Variants in SLC39A12 observed in about 807,000 individuals in gnomAD.
SLC39A12 encodes solute carrier family 39 member 12.
In SLC39A12, 63 loss-of-function variants were observed where a neutral mutation model predicts 71.1. The observed-to-expected ratio is 0.89, with a 90% CI of 0.72 to 1.09. SLC39A12 has a LOEUF of 1.09. Ranked by LOEUF, SLC39A12 falls within the 50% of genes least tolerant of loss-of-function variation. The pLI is 0.00. For missense variants in SLC39A12, 892 were observed against 812.6 expected (o/e 1.10, Z -1.19); for synonymous variants, 351 against 301.3 (o/e 1.16, Z -1.71).
chr10:18,016,524 T>C (rs1836389548), intron 12 of SLC39A12, among the ~76,000 whole-genome samples: 1 of 152,244 alleles, frequency 6.6e-6, no homozygotes, highest in South Asian at 2.1e-4. Context: ...CAGGTTTTTG[T>C]GTGAACAAAC....
chr10:17,984,673 A>T (rs1275472038), intron 6 of SLC39A12, among the ~76,000 whole-genome samples: 1 of 152,260 alleles, frequency 6.6e-6, no homozygotes, highest in Non-Finnish European at 1.5e-5. Flanking sequence ...ATGATAAAAG[A>T]CACGACGATG....
At chr10:17,996,037 G>T (rs1278176523) in intron 10 of SLC39A12, among the ~76,000 whole-genome samples, 1 of 152,140 alleles carries the variant, frequency 6.6e-6, no homozygotes. Flanking sequence ...ACATATTTGT[G>T]TGATGATTGA....
At chr10:18,003,058 AC>A in intron 11 of SLC39A12, 112 bp from the exon 12 acceptor site, 1 of 828,060 alleles carries the variant, frequency 1.2e-6, no homozygotes, top group South Asian at 1.8e-5. Flanking sequence ...ACTCAACTCT[AC>A]CTATAAAATT....
At chr10:17,970,686 G>A (rs1283608715) in intron 4 of SLC39A12, among the ~76,000 whole-genome samples, 1 of 117,816 alleles carries the variant, frequency 8.5e-6, no homozygotes, top group Non-Finnish European at 1.9e-5. Flanking sequence ...GTGTGTGTGT[G>A]TGTGTGTGTG....
At chr10:17,979,715 C>A (rs1049143139) in intron 5 of SLC39A12, among the ~76,000 whole-genome samples, 1 of 152,298 alleles carries the variant, frequency 6.6e-6, no homozygotes, top group African/African-American at 2.4e-5. Flanking sequence ...TGAGAAATGC[C>A]TTCCTCACCC....
chr10:17,988,486 A>G (rs559113522), intron 7 of SLC39A12, among the ~76,000 whole-genome samples: 2 of 152,218 alleles, frequency 1.3e-5, no homozygotes, highest in African/African-American at 4.8e-5. Flanking sequence ...TGCTGACACC[A>G]TGCTTCCTGT....
chr10:17,970,932 C>T (rs1834956816), intron 4 of SLC39A12, among the ~76,000 whole-genome samples: 1 of 150,322 alleles, frequency 6.7e-6, no homozygotes, highest in Non-Finnish European at 1.5e-5. Flanking sequence ...GATACTAGCT[C>T]TGAGTCTAAT....
At chr10:17,967,847 A>G (rs1834868714) in intron 4 of SLC39A12, among the ~76,000 whole-genome samples, 1 of 150,300 alleles carries the variant, frequency 6.7e-6, no homozygotes, top group Non-Finnish European at 1.5e-5. Flanking sequence ...AGTTCCCGCC[A>G]CTGTACTCCA....
intron 10 of SLC39A12, among the ~76,000 whole-genome samples, chr10:17,998,893 C>T (rs760375532): frequency 4.6e-5 from 7 of 152,054 alleles, no homozygotes; most frequent in South Asian, 2.1e-4. Context: ...TGTAACAGTT[C>T]GAAACCAGGA....
intron 4 of SLC39A12, among the ~76,000 whole-genome samples, chr10:17,975,600 G>A (rs942626315): frequency 6.6e-6 from 1 of 151,706 alleles, no homozygotes; most frequent in Non-Finnish European, 1.5e-5. Context: ...GAAGTAAGGG[G>A]TATCTTTTGG....
chr10:18,041,147 T>C (rs949939118), intron 12 of SLC39A12, among the ~76,000 whole-genome samples: 1 of 152,158 alleles, frequency 6.6e-6, no homozygotes, highest in African/African-American at 2.4e-5. Flanking sequence ...CTTCTCAGGG[T>C]GAGGGCTTTG....
chr10:18,029,030 T>G (rs1348069767), intron 12 of SLC39A12, among the ~76,000 whole-genome samples: 1 of 152,024 alleles, frequency 6.6e-6, no homozygotes, highest in Non-Finnish European at 1.5e-5. Flanking sequence ...AAAACTTTTT[T>G]TTTTTTTTAA....
intron 12 of SLC39A12, among the ~76,000 whole-genome samples, chr10:18,026,360 C>G (rs1367540534): frequency 6.6e-6 from 1 of 152,098 alleles, no homozygotes; most frequent in African/African-American, 2.4e-5. Context: ...TCTCTTAACA[C>G]TTTAAATATT....
Position 17,965,596 on chromosome 10 carries a change from T to A in SLC39A12, c.657T>A (p.Gly219=), listed in dbSNP as rs1299450588. 1 of 1,614,156 alleles carries A rather than the reference T, an allele frequency of 6.2e-7. No individual in the cohort carries two copies. The highest frequency in any genetic ancestry group is 1.1e-5 in the South Asian group (1 of 91,076). ...TGATCATTACTTTGTCCCTCCAGGG[T>A]GTTTGTCTGGGACAAGGAAACTTGC... is the stretch of plus-strand genomic sequence containing the variant. ...AAMIITLSLQ[G]VCLGQGNLPS... is the part of the protein sequence containing the mutation. Residue 219 remains glycine, a synonymous_variant, in exon 4 of 13, where the codon GGT becomes GGA. Transcript: ENST00000377369.
intron 12 of SLC39A12, among the ~76,000 whole-genome samples, chr10:18,006,921 C>T (rs898405569): frequency 8.5e-5 from 13 of 152,184 alleles, no homozygotes; most frequent in Non-Finnish European, 1.6e-4. Flanking sequence ...TGGAATGGGT[C>T]TCTGCAGCAG....
chr10:18,023,536 A>G (rs994253832), intron 12 of SLC39A12, among the ~76,000 whole-genome samples: 12 of 151,654 alleles, frequency 7.9e-5, no homozygotes, highest in Admixed American at 1.3e-4. Flanking sequence ...ACACAAAGCC[A>G]CTGCCAATGG....
chr10:17,973,957 G>A (rs908963823), intron 4 of SLC39A12, among the ~76,000 whole-genome samples: 3 of 151,086 alleles, frequency 2.0e-5, no homozygotes, highest in Non-Finnish European at 4.4e-5. Context: ...TGTCTTGCAA[G>A]CTTACTAATT....
At chr10:18,011,057 C>T (rs961760683) in intron 12 of SLC39A12, among the ~76,000 whole-genome samples, 1 of 151,978 alleles carries the variant, frequency 6.6e-6, no homozygotes, top group Non-Finnish European at 1.5e-5. Flanking sequence ...AAAGCCCAGG[C>T]GCCCCCTCCA....
At chr10:17,969,148 T>C (rs1463357984) in intron 4 of SLC39A12, among the ~76,000 whole-genome samples, 1 of 152,178 alleles carries the variant, frequency 6.6e-6, no homozygotes, top group South Asian at 2.1e-4. Flanking sequence ...TGAATGGTAT[T>C]CCATTGTGTA....
Sources: gnomAD v4.1 joint callset for allele counts (sites outside exome capture counted in the v4.1 genomes callset) on GRCh38, gnomAD v4.1.1 for gene constraint, MANE v1.5 for transcripts, NCBI Gene and HGNC (gene_info 2026-07-23, HGNC 2026-07-21) for gene names.